The following GAS7 variants were observed in gnomAD, a reference collection of about 807,000 sequenced individuals.
The protein encoded by GAS7 is growth arrest specific 7.
GAS7 carries 28 observed loss-of-function variants against 71.1 expected under a neutral mutation model. The observed-to-expected ratio is 0.39, with a 90% CI of 0.29 to 0.54. The LOEUF (loss-of-function observed/expected upper bound fraction) is 0.54. GAS7 is among the 20% of genes least tolerant of loss of function. The probability of loss-of-function intolerance (pLI) is 0.62; values close to 1 mark genes in which losing one functional copy is unlikely to be tolerated. For synonymous variants in GAS7, 258 were observed against 245.8 expected (o/e 1.05, Z -0.46); for missense variants, 436 against 627.8 (o/e 0.69, Z 3.27).
At chr17:10,025,600 A>C (rs1269241349) in intron 1 of GAS7, among the ~76,000 whole-genome samples, 1 of 150,344 alleles carries the variant, frequency 6.7e-6, no homozygotes, top group Non-Finnish European at 1.5e-5. Flanking sequence ...AAAAAAAAGC[A>C]GGCAAGCAAA....
rs1187401478 is a variant in GAS7 at position 10,005,059 on chromosome 17, ATGTGTG to A, written c.304+14712_304+14717del. Among the ~76,000 whole-genome samples, 728 of 146,510 alleles carry A rather than the reference ATGTGTG, an allele frequency of 5.0e-3. 2 individuals are homozygous for A. Among genetic ancestry groups the A allele is most frequent in the South Asian group, 0.04 (189 of 4,700 alleles). ...TATACATACATATATATACACATAT[ATGTGTG>A]TATGCACGCATACATGCGTGTGTGC... On this transcript the variant is annotated intron_variant, in intron 2 of 13. Transcript: ENST00000432992.
chr17:10,138,682 G>A lies in GAS7; in HGVS notation c.183+59526C>T, dbSNP rs142903601. ...CTCAGGAGGCTGAGGCAGGAGAATC[G>A]CTTGAACCCGGGAGGTGGAGGTTGC... is the stretch of plus-strand genomic sequence containing the variant. On this transcript the variant is annotated intron_variant, in intron 1 of 13. Coordinates refer to ENST00000432992, the MANE Select transcript of GAS7 (RefSeq NM_201433.2). Among the ~76,000 whole-genome samples, 1,498 of 152,048 alleles carry A rather than the reference G, an allele frequency of 9.9e-3. 10 individuals are homozygous for A. Among genetic ancestry groups the A allele is most frequent in the Non-Finnish European group, 0.015 (1,031 of 67,992 alleles).
At chr17:9,953,286 T>G (rs951030261) in intron 5 of GAS7, among the ~76,000 whole-genome samples, 2 of 152,120 alleles carry the variant, frequency 1.3e-5, no homozygotes, top group Non-Finnish European at 2.9e-5. Context: ...CAGTAGAATG[T>G]GAGGACTCAT....
chr17:10,122,916 A>G (rs953915722), intron 1 of GAS7, among the ~76,000 whole-genome samples: 1 of 152,084 alleles, frequency 6.6e-6, no homozygotes, highest in African/African-American at 2.4e-5. Context: ...TTGTAGCCTC[A>G]ACCTCCTGGG....
At chr17:9,918,375 C>T (rs543086191) in intron 12 of GAS7, among the ~76,000 whole-genome samples, 4 of 152,322 alleles carry the variant, frequency 2.6e-5, no homozygotes, top group South Asian at 2.1e-4. Flanking sequence ...TTTAAGAGAT[C>T]GTTTCTGTTA....
intron 1 of GAS7, among the ~76,000 whole-genome samples, chr17:10,188,398 C>T (rs935244406): frequency 2.0e-5 from 3 of 152,154 alleles, no homozygotes; most frequent in East Asian, 3.9e-4. Flanking sequence ...ATGTAATATA[C>T]GCTGATATTT....
chr17:10,040,877 G>T (rs566657381), intron 1 of GAS7, among the ~76,000 whole-genome samples: 19 of 152,280 alleles, frequency 1.2e-4, no homozygotes, highest in African/African-American at 4.6e-4. Flanking sequence ...GAAGGTAAAA[G>T]CGGGCCGGGC....
chr17:9,913,742 A>C lies in GAS7; in HGVS notation c.*3486T>G. On this transcript the variant is annotated 3_prime_UTR_variant, in exon 14 of 14. Transcript: ENST00000432992. ...CCAAGGGGCCTATGTGTTGCCACTG[A>C]CTGAAAGCACTAGAAAGAATAGAGG... 4.3e-6 allele frequency: 1 copy of C among 231,872 alleles called. No individual in the cohort carries two copies. 14.4% of individuals were successfully genotyped at this position (231,872 alleles called of 1,614,324 possible).
In GAS7 at chr17:9,969,928, GA is replaced by G. The variant is rs1457150214; in HGVS notation, c.386-167del. On this transcript the variant is annotated intron_variant, in intron 3 of 13. Transcript: ENST00000432992. This position sits in a 1 kb window ranked among gnomAD's most constrained non-coding sequence, Gnocchi z 5.5. ...GATCTTATCTGTATCTGCAGAGCTGGAAATGGGTTGAAGGCATCTCTCTAAT... is the reference window on the plus strand; with the variant it reads ...GATCTTATCTGTATCTGCAGAGCTGGAATGGGTTGAAGGCATCTCTCTAAT... Among the ~76,000 whole-genome samples, 1 of 152,246 alleles carries G rather than the reference GA, an allele frequency of 6.6e-6. No homozygotes were observed. Among genetic ancestry groups the G allele is most frequent in the Non-Finnish European group, 1.5e-5 (1 of 68,040 alleles).
chr17:10,178,702 C>CTTTTTTTTTTT lies in GAS7; in HGVS notation c.183+19495_183+19505dup, dbSNP rs397857157. ...TCAACTCCCCTCCCTCCCCCACCAC[C>CTTTTTTTTTTT]TTTTTTTTTTTTTTTTTTTTTTTTT... On this transcript the variant is annotated intron_variant, in intron 1 of 13. Coordinates refer to ENST00000432992, the MANE Select transcript of GAS7 (RefSeq NM_201433.2). Among the ~76,000 whole-genome samples the CTTTTTTTTTTT allele has an allele frequency of 4.6e-4, 16 of 34,592 alleles. 2 individuals carry two copies. Among genetic ancestry groups the CTTTTTTTTTTT allele is most frequent in the Non-Finnish European group, 7.1e-4 (14 of 19,830 alleles). The allele number at this position is 34,592 out of a possible 152,430, so 22.7% of individuals were successfully genotyped here.
chr17:9,943,274 T>C lies in GAS7; in HGVS notation c.616-38A>G, dbSNP rs1230934855. On this transcript the variant is annotated intron_variant, in intron 6 of 13. Transcript: ENST00000432992. ...CAGAAGCACAAGAGTTTAGGGCACG[T>C]CTGAGTCTGGAGCCAGGGAGAATGG... The C allele has an allele frequency of 3.3e-6, 4 of 1,201,150 alleles. No homozygotes were observed. In the African/African-American group the frequency reaches 4.5e-5, roughly 13 times the overall value. The allele number at this position is 1,201,150 out of a possible 1,614,324, so 74.4% of individuals were successfully genotyped here.
intron 3 of GAS7, among the ~76,000 whole-genome samples, chr17:9,971,468 G>A (rs1056675316): frequency 6.6e-6 from 1 of 152,116 alleles, no homozygotes; most frequent in African/African-American, 2.4e-5. Context: ...GGGAGGCTGA[G>A]GTGGGAGGAT....
chr17:9,970,996 G>C (rs1357981193), intron 3 of GAS7, among the ~76,000 whole-genome samples: 1 of 152,178 alleles, frequency 6.6e-6, no homozygotes, highest in Non-Finnish European at 1.5e-5. Flanking sequence ...CCTGTAAAAT[G>C]GGGATAATTC....
intron 1 of GAS7, among the ~76,000 whole-genome samples, chr17:10,032,366 C>A (rs956862750): frequency 6.6e-6 from 1 of 152,118 alleles, no homozygotes; most frequent in African/African-American, 2.4e-5. Flanking sequence ...CCTCCTCCCC[C>A]TTCCCTAGCA....
intron 1 of GAS7, among the ~76,000 whole-genome samples, chr17:10,156,716 C>A (rs1418269495): frequency 6.6e-6 from 1 of 152,124 alleles, no homozygotes; most frequent in Non-Finnish European, 1.5e-5. Flanking sequence ...TCCCTCCTAG[C>A]AGGCTGCAGG....
chr17:10,030,704 T>C (rs1192437738), intron 1 of GAS7, among the ~76,000 whole-genome samples: 1 of 152,230 alleles, frequency 6.6e-6, no homozygotes, highest in East Asian at 1.9e-4. Flanking sequence ...CTTTAGTAGA[T>C]GCAAATGTCC....
chr17:9,975,197 T>C (rs1461591352), intron 3 of GAS7, among the ~76,000 whole-genome samples: 4 of 151,814 alleles, frequency 2.6e-5, no homozygotes, highest in Non-Finnish European at 5.9e-5. Context: ...TCTACTAAAA[T>C]ACAAAAAATT....
intron 1 of GAS7, among the ~76,000 whole-genome samples, chr17:10,173,029 T>C (rs1236965540): frequency 6.6e-6 from 1 of 152,218 alleles, no homozygotes; most frequent in African/African-American, 2.4e-5. Context: ...TACACGTCAC[T>C]ACGCAAATGA....
intron 1 of GAS7, among the ~76,000 whole-genome samples, chr17:10,022,536 C>T (rs1355821290): frequency 2.6e-5 from 4 of 152,198 alleles, no homozygotes; most frequent in Non-Finnish European, 2.9e-5. Flanking sequence ...GCCAATCCTG[C>T]CTGGACCGCT....
Sources: gnomAD v4.1 joint callset for allele counts (sites outside exome capture counted in the v4.1 genomes callset) on GRCh38, gnomAD v4.1.1 for gene constraint, Gnocchi (gnomAD v3.1) non-coding constraint, MANE v1.5 for transcripts, NCBI Gene and HGNC (gene_info 2026-07-23, HGNC 2026-07-21) for gene names.